The following RYR2 variants were observed in gnomAD, a reference collection of about 807,000 sequenced individuals.
RYR2 encodes the protein ryanodine receptor 2.
RYR2 carries 227 observed loss-of-function variants against 601.1 expected under a neutral mutation model. The observed-to-expected ratio is 0.38, with a 90% CI of 0.34 to 0.42. RYR2 has a LOEUF of 0.42. Among genes scored for constraint, RYR2 ranks in the 10% least tolerant of loss-of-function variants. RYR2 has a pLI of 1.00. For synonymous variants in RYR2, 2,223 were observed against 2,175.1 expected, an observed-to-expected ratio of 1.02 and a Z score of -0.61; for missense variants, 4,646 against 6,156.5, an observed-to-expected ratio of 0.75 and a Z score of 8.21.
chr1:237,687,360 C>CTTTTTTTTTTTTTTTTTTTTTTTTTTT, intron 62 of RYR2, 95 bp from the exon 63 acceptor site: 1 of 492,270 alleles, frequency 2.0e-6, no homozygotes, highest in African/African-American at 2.7e-5. Context: ...TTTCTTTTTT[C>CTTTTTTTTTTTTTTTTTTTTTTTTTTT]TTCTTCTTTT....
At chr1:237,698,917 T>C (rs1050818269) in intron 63 of RYR2, 48 bp from the exon 64 acceptor site, 1 of 1,020,660 alleles carries the variant, frequency 9.8e-7, no homozygotes, top group East Asian at 2.7e-5. Flanking sequence ...AAGAAGAACA[T>C]TGAGAAATTC....
At chr1:237,454,756 A>G (rs1021549835) in intron 15 of RYR2, among the ~76,000 whole-genome samples, 182 bp downstream of exon 15, 1 of 152,190 alleles carries the variant, frequency 6.6e-6, no homozygotes, top group African/African-American at 2.4e-5. Flanking sequence ...ATTTATTTAT[A>G]CTATCCATGA....
In RYR2 at chr1:237,759,785, G is replaced by T; in HGVS notation, c.11335G>T (p.Asp3779Tyr). The change falls in exon 83 of 105, where the codon GAC becomes TAC. Residue 3779 changes from aspartate (D) to tyrosine (Y), a missense_variant. Coordinates refer to ENST00000366574, the MANE Select transcript of RYR2 (RefSeq NM_001035.3). ...GNSTVQQKML[D>Y]YLKEKKDVGF... ...TCTATAATTCCCATAGAAAATGCTT[G>T]ACTACCTCAAGGAGAAAAAGGATGT... The T allele has an allele frequency of 6.2e-7, 1 of 1,610,910 alleles. No homozygotes were observed. The highest frequency in any genetic ancestry group is 8.5e-7 in the Non-Finnish European group (1 of 1,177,264).
Position 237,771,173 on chromosome 1 carries a change from C to T in RYR2, c.11557+286C>T, listed in dbSNP as rs560710652. Among the ~76,000 whole-genome samples, 57 of 152,046 alleles carry T rather than the reference C, an allele frequency of 3.7e-4. 3 individuals are homozygous for T. In the South Asian group the frequency reaches 9.8e-3, roughly 26 times the overall value. ...CTGTAATCCCAACACTTTGGGAGGC[C>T]GAGGTGGGAGGATTGCTTGAACCTA... On this transcript the variant is annotated intron_variant, in intron 85 of 104. Transcript: ENST00000366574.
intron 25 of RYR2, 26 bp from the exon 26 acceptor site, chr1:237,548,405 C>A: frequency 1.2e-6 from 2 of 1,609,816 alleles, no homozygotes; most frequent in Non-Finnish European, 1.7e-6. Flanking sequence ...CAATTATACA[C>A]AAATTTCTTT....
intron 23 of RYR2, among the ~76,000 whole-genome samples, chr1:237,508,244 A>C (rs1336142313): frequency 6.6e-6 from 1 of 152,160 alleles, no homozygotes; most frequent in Non-Finnish European, 1.5e-5. Flanking sequence ...TACAGGCTGG[A>C]TTACAGGCAT....
At position 237,180,692 on chromosome 1, in the gene RYR2, A is replaced by G. The variant is rs12733438; in HGVS notation, c.49-89805A>G. Reference sequence around the variant, plus strand: ...CATGTGTATATATGTGTATATATGTATATATAAGTATATATACACATATAT... The same window carrying G: ...CATGTGTATATATGTGTATATATGTGTATATAAGTATATATACACATATAT... On this transcript the variant is annotated intron_variant, in intron 1 of 104. Transcript: ENST00000366574. This position sits in a 1 kb window ranked among gnomAD's most constrained non-coding sequence, Gnocchi z 5.3. 0.046 allele frequency among the ~76,000 whole-genome samples: 2,902 copies of G among 63,020 alleles called. 77 individuals carry two copies. The highest frequency in any genetic ancestry group is 0.093 in the African/African-American group (1,986 of 21,268). 41.3% of individuals were successfully genotyped at this position (63,020 alleles called of 152,430 possible). A position where few individuals can be genotyped will look rare whatever the true frequency, so the allele number is the denominator to read the frequency against.
At chr1:237,481,181 G>A (rs1052468194) in intron 17 of RYR2, among the ~76,000 whole-genome samples, 3 of 147,120 alleles carry the variant, frequency 2.0e-5, no homozygotes, top group Non-Finnish European at 4.5e-5. Flanking sequence ...TGTGACTTAC[G>A]GAAACTCTAT....
At chr1:237,406,573 G>A (rs1703927968) in intron 10 of RYR2, among the ~76,000 whole-genome samples, 1 of 151,874 alleles carries the variant, frequency 6.6e-6, no homozygotes, top group South Asian at 2.1e-4. Context: ...GTTTATTTGA[G>A]ATAGCCTGGT....
At chr1:237,169,355 G>A (rs994417360) in intron 1 of RYR2, among the ~76,000 whole-genome samples, 3 of 151,602 alleles carry the variant, frequency 2.0e-5, no homozygotes, top group African/African-American at 7.3e-5. Context: ...CTGGAGTGCA[G>A]TGGCACAATC....
intron 12 of RYR2, among the ~76,000 whole-genome samples, chr1:237,435,282 A>C (rs1707229537): frequency 6.6e-6 from 1 of 152,180 alleles, no homozygotes; most frequent in Non-Finnish European, 1.5e-5. Context: ...GTATGGAGTT[A>C]AGATGCTGTT....
intron 87 of RYR2, among the ~76,000 whole-genome samples, chr1:237,777,194 C>T (rs1694733970): frequency 6.6e-6 from 1 of 152,060 alleles, no homozygotes; most frequent in African/African-American, 2.4e-5. Flanking sequence ...CAAAGTTTCC[C>T]CCTTTTCAAT....
intron 35 of RYR2, among the ~76,000 whole-genome samples, chr1:237,604,832 T>C (rs1048330671): frequency 1.3e-5 from 2 of 152,014 alleles, no homozygotes; most frequent in African/African-American, 2.4e-5. Context: ...AAGAAATGGA[T>C]AAATTCCTCG....
At chr1:237,343,610 G>C (rs1698025917) in intron 3 of RYR2, among the ~76,000 whole-genome samples, 1 of 152,082 alleles carries the variant, frequency 6.6e-6, no homozygotes, top group African/African-American at 2.4e-5. Flanking sequence ...ACACAGTCAT[G>C]GACTGGAAGT....
chr1:237,607,664 G>T (rs1677296067), intron 35 of RYR2, among the ~76,000 whole-genome samples: 1 of 152,178 alleles, frequency 6.6e-6, no homozygotes, highest in African/African-American at 2.4e-5. Flanking sequence ...GAGAATGAAT[G>T]ATTGATTTAA....
chr1:237,435,764 G>A (rs945015405), intron 12 of RYR2, among the ~76,000 whole-genome samples: 4 of 152,180 alleles, frequency 2.6e-5, no homozygotes, highest in African/African-American at 9.7e-5. Context: ...CATATCTAAA[G>A]CTACATTCTC....
chr1:237,713,812 A>T (rs1573634743), intron 71 of RYR2, among the ~76,000 whole-genome samples: 2 of 152,282 alleles, frequency 1.3e-5, no homozygotes, highest in African/African-American at 4.8e-5. Context: ...GTTGCATTAT[A>T]CAATTGTACT....
At chr1:237,293,744 C>T (rs963262458) in intron 2 of RYR2, among the ~76,000 whole-genome samples, 13 of 152,154 alleles carry the variant, frequency 8.5e-5, no homozygotes, top group African/African-American at 3.1e-4. Flanking sequence ...GCACAGAGCT[C>T]CCATGTCCTG....
intron 1 of RYR2, among the ~76,000 whole-genome samples, chr1:237,171,441 C>A (rs1358610798): frequency 1.3e-5 from 2 of 152,080 alleles, no homozygotes; most frequent in African/African-American, 4.8e-5. Flanking sequence ...TTGATGATCA[C>A]CTCTAGAGGA....
Sources: allele counts gnomAD v4.1 joint callset (sites outside exome capture counted in the v4.1 genomes callset), GRCh38; gene constraint gnomAD v4.1.1; non-coding constraint Gnocchi (gnomAD v3.1); transcripts MANE v1.5; gene names NCBI Gene and HGNC (gene_info 2026-07-23, HGNC 2026-07-21).